Variants in EIF4G3 observed in about 807,000 individuals in gnomAD.
EIF4G3 encodes the protein eIF-4-gamma 3.
A neutral mutation model predicts 186.4 loss-of-function variants in EIF4G3; 34 were observed. That is an observed-to-expected ratio of 0.18 (90% confidence interval 0.14 to 0.24). The LOEUF (loss-of-function observed/expected upper bound fraction) is 0.24. Ranked by LOEUF, EIF4G3 falls within the 10% of genes least tolerant of loss-of-function variation. The pLI, the probability that EIF4G3 is intolerant of heterozygous loss-of-function variation, is 1.00. For missense variants in EIF4G3, 1,536 were observed against 1,948.5 expected, an observed-to-expected ratio of 0.79 and a Z score of 3.99; for synonymous variants, 673 against 679.5, an observed-to-expected ratio of 0.99 and a Z score of 0.15.
intron 3 of EIF4G3, among the ~76,000 whole-genome samples, chr1:21,052,725 C>A (rs977600959): frequency 1.3e-5 from 2 of 152,298 alleles, no homozygotes; most frequent in South Asian, 2.1e-4. Context: ...CGATTGCAGG[C>A]GCGCGCCGCC....
chr1:21,162,725 G>A (rs2097786904), intron 2 of EIF4G3, among the ~76,000 whole-genome samples: 1 of 147,570 alleles, frequency 6.8e-6, no homozygotes, highest in Admixed American at 7.1e-5. Flanking sequence ...TCCAGCCTGG[G>A]GGACAGAGCG....
intron 3 of EIF4G3, among the ~76,000 whole-genome samples, chr1:21,059,593 C>G (rs769141248): frequency 5.9e-5 from 9 of 152,090 alleles, no homozygotes; most frequent in Admixed American, 1.3e-4. Flanking sequence ...TTGCTCTACT[C>G]TTACCTATAC....
rs1223562938 is a variant in EIF4G3, at chr1:21,061,535, G to T, written c.-195-10541C>A. ...GCCAAGCAAGTAAATCTAGAGGTAG[G>T]TTCATTACCAACATTCCACATAGCA... On this transcript the variant is annotated intron_variant, in intron 3 of 36. Coordinates refer to ENST00000602326, the MANE Select transcript of EIF4G3 (RefSeq NM_001391906.1). Among the ~76,000 whole-genome samples the T allele has an allele frequency of 5.3e-5, 8 of 152,198 alleles. No homozygotes were observed. The South Asian group carries it at 8.3e-4, about 16-fold the overall frequency.
At chr1:21,106,579 C>A (rs1398208079) in intron 2 of EIF4G3, among the ~76,000 whole-genome samples, 4 of 151,934 alleles carry the variant, frequency 2.6e-5, no homozygotes, top group African/African-American at 9.7e-5. Flanking sequence ...TTATTTTGAG[C>A]ATAAAAATTC....
chr1:20,909,202 G>A (rs185780274), intron 14 of EIF4G3, among the ~76,000 whole-genome samples: 35 of 152,152 alleles, frequency 2.3e-4, no homozygotes, highest in Non-Finnish European at 4.3e-4. Flanking sequence ...ATTGTTGTAC[G>A]TCTTAAAGGG....
intron 3 of EIF4G3, among the ~76,000 whole-genome samples, chr1:21,071,222 T>C (rs900343607): frequency 6.6e-6 from 1 of 152,064 alleles, no homozygotes; most frequent in Non-Finnish European, 1.5e-5. Context: ...CTGGGCAACA[T>C]AGTGAGATCC....
intron 7 of EIF4G3, among the ~76,000 whole-genome samples, chr1:20,996,130 A>G (rs1334231594): frequency 6.6e-6 from 1 of 152,200 alleles, no homozygotes; most frequent in Non-Finnish European, 1.5e-5. Flanking sequence ...TACTAATTCT[A>G]TGTCCTAGTT....
At chr1:21,043,252 G>C (rs188539063) in intron 4 of EIF4G3, among the ~76,000 whole-genome samples, 8 of 152,292 alleles carry the variant, frequency 5.3e-5, no homozygotes, top group African/African-American at 1.9e-4. Context: ...AAAAGACTGA[G>C]CCTACATAAA....
At chr1:20,981,641 C>T (rs1218150902) in intron 8 of EIF4G3, among the ~76,000 whole-genome samples, 1 of 121,548 alleles carries the variant, frequency 8.2e-6, no homozygotes, top group African/African-American at 3.1e-5. Flanking sequence ...TACGCACATA[C>T]TGTATGTATA....
At chr1:20,888,090 C>T (rs2084801463) in intron 18 of EIF4G3, among the ~76,000 whole-genome samples, 1 of 152,084 alleles carries the variant, frequency 6.6e-6, no homozygotes, top group South Asian at 2.1e-4. Context: ...GAGACAAAGT[C>T]AGAAAATGCC....
Position 20,869,645 on chromosome 1 carries a change from G to A in EIF4G3, c.2623-4383C>T, listed in dbSNP as rs187869233. ...AAAAAATTAGCTGGGCGTGGTGGCG[G>A]GCGCCTGTAGTCCCAGCTATTCGGG... On this transcript the variant is annotated intron_variant, in intron 20 of 36. Transcript: ENST00000602326. 9.7e-3 allele frequency among the ~76,000 whole-genome samples: 1,466 copies of A among 151,700 alleles called. 21 individuals are homozygous for A. The highest frequency in any genetic ancestry group is 0.016 in the Non-Finnish European group (1,068 of 67,852).
intron 2 of EIF4G3, among the ~76,000 whole-genome samples, chr1:21,124,064 G>A (rs2096977775): frequency 6.6e-6 from 1 of 152,112 alleles, no homozygotes; most frequent in African/African-American, 2.4e-5. Flanking sequence ...GCCGAGGCAG[G>A]TGGATCACCT....
chr1:20,963,865 T>C (rs2074007416), intron 12 of EIF4G3, among the ~76,000 whole-genome samples: 1 of 148,392 alleles, frequency 6.7e-6, no homozygotes, highest in Non-Finnish European at 1.5e-5. Flanking sequence ...AAGGCTGCAG[T>C]GAGCCGAGAT....
intron 14 of EIF4G3, among the ~76,000 whole-genome samples, chr1:20,916,515 C>G (rs2093891871): frequency 6.6e-6 from 1 of 151,620 alleles, no homozygotes; most frequent in Non-Finnish European, 1.5e-5. Context: ...TCAGAAGACT[C>G]AATATTGCAA....
Position 21,049,526 on chromosome 1 carries a change from G to T in EIF4G3, c.-67+1340C>A, listed in dbSNP as rs539814213. On this transcript the variant is annotated intron_variant, in intron 4 of 36. Transcript: ENST00000602326. ...TTAAAACTCCAAATTATATAGGAATGATTTAGACTAAGTTTAGGTATAGCA... is the reference window on the plus strand; with the variant it reads ...TTAAAACTCCAAATTATATAGGAATTATTTAGACTAAGTTTAGGTATAGCA... 2.6e-5 allele frequency among the ~76,000 whole-genome samples: 4 copies of T among 152,280 alleles called. No individual in the cohort carries two copies. The South Asian group carries it at 8.3e-4, about 32-fold the overall frequency.
chr1:20,961,278 G>A (rs777975897), intron 12 of EIF4G3, among the ~76,000 whole-genome samples: 1 of 152,128 alleles, frequency 6.6e-6, no homozygotes, highest in Non-Finnish European at 1.5e-5. Flanking sequence ...AGCTACTCGG[G>A]AGGCTGAGGC....
rs2097419285 is a variant in EIF4G3 at position 21,145,297 on chromosome 1, T to C, written c.-272+30878A>G. ...CCAAAGATGACATGACTACTTCTAG[T>C]AGAATCAGAGCTAAAAAACAAAACA... On this transcript the variant is annotated intron_variant, in intron 2 of 36. Coordinates refer to ENST00000602326, the MANE Select transcript of EIF4G3 (RefSeq NM_001391906.1). Among the ~76,000 whole-genome samples, 6 of 151,132 alleles carry C rather than the reference T, an allele frequency of 4.0e-5. No individual in the cohort carries two copies. The South Asian group carries it at 1.3e-3, about 32-fold the overall frequency.
chr1:20,809,059 C>T (rs540072800), intron 36 of EIF4G3, among the ~76,000 whole-genome samples: 2 of 151,754 alleles, frequency 1.3e-5, no homozygotes, highest in African/African-American at 2.4e-5. Flanking sequence ...TTGCAACCAC[C>T]GCCTCATGGG....
intron 30 of EIF4G3, among the ~76,000 whole-genome samples, chr1:20,837,433 T>A (rs903720589): frequency 1.3e-5 from 2 of 152,182 alleles, no homozygotes; most frequent in Admixed American, 6.5e-5. Flanking sequence ...CTCGATCTCC[T>A]GACCTCGTGA....
Sources: allele counts gnomAD v4.1 joint callset (sites outside exome capture counted in the v4.1 genomes callset), GRCh38; gene constraint gnomAD v4.1.1; transcripts MANE v1.5; gene names NCBI Gene and HGNC (gene_info 2026-07-23, HGNC 2026-07-21).